Variants in MTMR4 observed in about 807,000 individuals in gnomAD.
MTMR4 encodes the protein myotubularin related protein 4.
MTMR4 carries 30 observed loss-of-function variants against 125.5 expected under a neutral mutation model. The observed-to-expected ratio is 0.24, with a 90% confidence interval of 0.18 to 0.32. The LOEUF (loss-of-function observed/expected upper bound fraction) is 0.32, where lower values mean the gene tolerates loss of function less well. Among genes scored for constraint, MTMR4 ranks in the 10% least tolerant of loss-of-function variants. The pLI, the probability that MTMR4 is intolerant of heterozygous loss-of-function variation, is 1.00. For missense variants in MTMR4, 1,039 were observed against 1,511.5 expected (o/e 0.69, Z 5.18); for synonymous variants, 498 against 564.5 (o/e 0.88, Z 1.67).
Position 58,492,666 on chromosome 17 carries a change from A to G in MTMR4, c.3364-67T>C. 2.0e-6 allele frequency: 3 copies of G among 1,490,116 alleles called. No individual in the cohort carries two copies. The Admixed American group carries it at 5.1e-5, about 26-fold the overall frequency. The allele number at this position is 1,490,116 out of a possible 1,614,324, so 92.3% of individuals were successfully genotyped here. A position where few individuals can be genotyped will look rare whatever the true frequency, so the allele number is the denominator to read the frequency against. ...AGACTGGAAGAGCAACATTGCAATG[A>G]GGAAAGCACCCCAGCAGAAAGAGAC... On this transcript the variant is annotated intron_variant, in intron 16 of 17. Transcript: ENST00000682306.
intron 16 of MTMR4, 25 bp downstream of exon 16, chr17:58,492,817 C>A: frequency 6.3e-7 from 1 of 1,586,870 alleles, no homozygotes; most frequent in South Asian, 1.1e-5. Context: ...ACGTAAGTAC[C>A]CACCACATAT....
chr17:58,506,715 G>T, intron 9 of MTMR4, 28 bp downstream of exon 9: 1 of 1,609,342 alleles, frequency 6.2e-7, no homozygotes, highest in South Asian at 1.1e-5. Flanking sequence ...GCACAGGCTG[G>T]CTGCAGACAC....
chr17:58,518,742 C>T (rs1462803846), upstream of MTMR4, among the ~76,000 whole-genome samples: 1 of 152,202 alleles, frequency 6.6e-6, no homozygotes. Flanking sequence ...CCAGAACAGA[C>T]CACAAGACGG....
chr17:58,492,522 T>C lies in MTMR4; in HGVS notation c.3441A>G (p.Arg1147=), dbSNP rs765715770. The change falls in exon 17 of 18, where the codon AGA becomes AGG. Residue 1147 remains arginine, a synonymous_variant. Coordinates refer to ENST00000682306, the MANE Select transcript of MTMR4 (RefSeq NM_001378067.1). ...ACAAAACATCTTACCTGCAATGGTG[T>C]CTTCGTTTGGCCAACCAGAATTCAC... ...CDCEFWLAKR[R]HHCRNCGNVF... 6.2e-7 allele frequency: 1 copy of C among 1,614,022 alleles called. No individual in the cohort carries two copies. Among genetic ancestry groups the C allele is most frequent in the Non-Finnish European group, 8.5e-7 (1 of 1,179,962 alleles).
rs1314915377 is a variant in MTMR4 at position 58,512,362 on chromosome 17, G to C, written c.252+28C>G. On this transcript the variant is annotated intron_variant, in intron 3 of 17. Coordinates refer to ENST00000682306, the MANE Select transcript of MTMR4 (RefSeq NM_001378067.1). This position sits in a 1 kb window ranked among gnomAD's most constrained non-coding sequence, Gnocchi z 4.1. ...TGAACTTCATAGGGATTCTAGCTTA[G>C]GGGTAGGAGAACAATACAGAAACTC... 1 of 1,527,734 alleles carries C rather than the reference G, an allele frequency of 6.5e-7. No homozygotes were observed. Among genetic ancestry groups the C allele is most frequent in the African/African-American group, 1.4e-5 (1 of 73,302 alleles). The allele number at this position is 1,527,734 out of a possible 1,614,324, so 94.6% of individuals were successfully genotyped here.
Position 58,504,614 on chromosome 17 carries a change from G to A in MTMR4, c.1342-126C>T. ...AAAAATAGGACTGGACCTAGAAGAG[G>A]ACTCAAAGCCACCAATTTTCCAAGC... On this transcript the variant is annotated intron_variant, in intron 11 of 17. Transcript: ENST00000682306. This position sits in a 1 kb window ranked among gnomAD's most constrained non-coding sequence, Gnocchi z 7.1. The A allele has an allele frequency of 7.4e-7, 1 of 1,351,034 alleles. No individual in the cohort carries two copies. The highest frequency in any genetic ancestry group is 1.5e-5 in the South Asian group (1 of 68,646). 83.7% of individuals were successfully genotyped at this position (1,351,034 alleles called of 1,614,324 possible).
chr17:58,491,532 A>G lies in MTMR4; in HGVS notation c.*131T>C. The G allele has an allele frequency of 2.1e-6, 2 of 932,240 alleles. No individual in the cohort carries two copies. The highest frequency in any genetic ancestry group is 1.7e-5 in the African/African-American group (1 of 59,722). 57.7% of individuals were successfully genotyped at this position (932,240 alleles called of 1,614,324 possible). Reference sequence around the variant, plus strand: ...CCTCTGCTCCAGTTTCATGATACCAAGGAGGATTTCTCAAGATGGTATCTC... The same window carrying G: ...CCTCTGCTCCAGTTTCATGATACCAGGGAGGATTTCTCAAGATGGTATCTC... On this transcript the variant is annotated 3_prime_UTR_variant, in exon 18 of 18. Transcript: ENST00000682306.
rs201484679 is a variant in MTMR4, at chr17:58,495,914, C to G, written c.2270G>C (p.Arg757Thr). ...TGGCTCCCCTATGCCATCTAAAGTCCTACCCAGCTCATCCTGGGCAGAAGG... is the reference window on the plus strand; with the variant it reads ...TGGCTCCCCTATGCCATCTAAAGTCGTACCCAGCTCATCCTGGGCAGAAGG... ...PDPSAQDELG[R>T]TLDGIGEPPE... The change falls in exon 15 of 18, where the codon AGG (arginine) becomes ACG (threonine). Residue 757 changes from arginine (R) to threonine (T), a missense_variant. Physicochemically the swap from Arg to Thr is moderately conservative, Grantham distance 71. Around this residue, in one of 6 missense-constraint regions of MTMR4, gnomAD observed 619 missense variants for 714.5 expected, o/e 0.87. Transcript: ENST00000682306. 179 of 1,614,168 alleles carry G rather than the reference C, an allele frequency of 1.1e-4. No homozygotes were observed. Among genetic ancestry groups the G allele is most frequent in the Middle Eastern group, 4.9e-4 (3 of 6,062 alleles).
chr17:58,491,432 C>A lies in MTMR4; in HGVS notation c.*231G>T. On this transcript the variant is annotated 3_prime_UTR_variant, in exon 18 of 18. Coordinates refer to ENST00000682306, the MANE Select transcript of MTMR4 (RefSeq NM_001378067.1). Reference sequence around the variant, plus strand: ...ACCAACTCAACATTAAGCTTCCAGACCCTGGGTCTGGGTTAGGACCATTAC... The same window carrying A: ...ACCAACTCAACATTAAGCTTCCAGAACCTGGGTCTGGGTTAGGACCATTAC... 2 of 335,174 alleles carry A rather than the reference C, an allele frequency of 6.0e-6. No individual in the cohort carries two copies. The highest frequency in any genetic ancestry group is 1.1e-5 in the Non-Finnish European group (2 of 181,580). The allele number at this position is 335,174 out of a possible 1,614,324, so 20.8% of individuals were successfully genotyped here.
At chr17:58,494,320 CAAAAAAA>C (rs59888430) in intron 15 of MTMR4, among the ~76,000 whole-genome samples, 1 of 88,968 alleles carries the variant, frequency 1.1e-5, no homozygotes, top group Non-Finnish European at 2.2e-5. Context: ...GACTCCGTCT[CAAAAAAA>C]AAAAAAAAAA....
chr17:58,497,097 C>A (rs1308778261), intron 14 of MTMR4, among the ~76,000 whole-genome samples: 1 of 152,148 alleles, frequency 6.6e-6, no homozygotes, highest in East Asian at 1.9e-4. Flanking sequence ...GAGTGACCAT[C>A]CTGATTATTA....
chr17:58,494,517 C>G (rs1363807231), intron 15 of MTMR4, among the ~76,000 whole-genome samples: 1 of 152,132 alleles, frequency 6.6e-6, no homozygotes, highest in East Asian at 1.9e-4. Flanking sequence ...TTGACTGTCT[C>G]TCATAGCCCC....
chr17:58,508,871 G>A lies in MTMR4; in HGVS notation c.336-30C>T. 1 of 1,604,148 alleles carries A rather than the reference G, an allele frequency of 6.2e-7. No homozygotes were observed. The highest frequency in any genetic ancestry group is 1.3e-5 in the African/African-American group (1 of 74,866). The stretch of plus-strand genomic sequence containing the variant: ...CAGGCAAGAAGCCACAGGCCTAGGT[G>A]AGGCAAAGTGCAGTTGTGCCATGGG... On this transcript the variant is annotated intron_variant, in intron 4 of 17. Coordinates refer to ENST00000682306, the MANE Select transcript of MTMR4 (RefSeq NM_001378067.1). This position sits in a 1 kb window ranked among gnomAD's most constrained non-coding sequence, Gnocchi z 4.8.
chr17:58,504,430 C>T lies in MTMR4; in HGVS notation c.1400G>A (p.Arg467His), dbSNP rs774759378. ...WLDFGHKFGD[R>H]CGHQENVEDQ... ...CTCCACATTCTCTTGGTGGCCACAGCGATCTCCAAACTTGTGCCCAAAATC... is the reference window on the plus strand; with the variant it reads ...CTCCACATTCTCTTGGTGGCCACAGTGATCTCCAAACTTGTGCCCAAAATC... The change falls in exon 12 of 18, where the codon CGC (arginine) becomes CAC (histidine). Residue 467 changes from arginine to histidine, a missense_variant. Coordinates refer to ENST00000682306, the MANE Select transcript of MTMR4 (RefSeq NM_001378067.1). This position sits in a 1 kb window ranked among gnomAD's most constrained non-coding sequence, Gnocchi z 7.1. The T allele has an allele frequency of 6.2e-7, 1 of 1,614,056 alleles. No individual in the cohort carries two copies. Among genetic ancestry groups the T allele is most frequent in the Non-Finnish European group, 8.5e-7 (1 of 1,180,012 alleles).
At chr17:58,505,242 C>G (rs946808160) in intron 10 of MTMR4, among the ~76,000 whole-genome samples, 6 of 152,214 alleles carry the variant, frequency 3.9e-5, no homozygotes, top group Admixed American at 6.5e-5. Flanking sequence ...TCTCTGTGTT[C>G]TTTGAGTAGA....
intron 9 of MTMR4, 64 bp downstream of exon 9, chr17:58,506,679 C>T: frequency 1.3e-6 from 2 of 1,586,114 alleles, no homozygotes; most frequent in African/African-American, 1.3e-5. Context: ...TGGCCCCCAA[C>T]CCCCTCCTCA....
At position 58,496,063 on chromosome 17, in the gene MTMR4, C is replaced by A; in HGVS notation, c.2121G>T (p.Lys707Asn). ...QKDYLSNKPF[K>N]SHKSCSPSYK... is the part of the protein sequence containing the mutation. Reference sequence around the variant, plus strand: ...AACTTGGAGAACAGCTTTTGTGACTCTTGAAAGGTTTATTGCTCAAGTAGT... The same window carrying A: ...AACTTGGAGAACAGCTTTTGTGACTATTGAAAGGTTTATTGCTCAAGTAGT... The change falls in exon 15 of 18, where the codon AAG becomes AAT. Residue 707 changes from lysine to asparagine, a missense_variant. Physicochemically the swap from Lys to Asn is moderately conservative, Grantham distance 94 (BLOSUM62 0). Coordinates refer to ENST00000682306, the MANE Select transcript of MTMR4 (RefSeq NM_001378067.1). The A allele has an allele frequency of 6.2e-7, 1 of 1,614,168 alleles. No homozygotes were observed. The highest frequency in any genetic ancestry group is 1.1e-5 in the South Asian group (1 of 91,082).
upstream of MTMR4, chr17:58,516,669 A>G: frequency 1.3e-6 from 2 of 1,519,502 alleles, no homozygotes; most frequent in South Asian, 1.1e-5. Flanking sequence ...TAACATTACC[A>G]TAGAATCAAC....
chr17:58,501,761 T>C (rs1975640532), intron 14 of MTMR4, among the ~76,000 whole-genome samples: 1 of 151,870 alleles, frequency 6.6e-6, no homozygotes, highest in African/African-American at 2.4e-5. Flanking sequence ...AAAATATGCA[T>C]ACAAAGTAAC....
Sources: allele counts gnomAD v4.1 joint callset (sites outside exome capture counted in the v4.1 genomes callset), GRCh38; gene constraint gnomAD v4.1.1; regional missense constraint gnomAD v4.1.1; non-coding constraint Gnocchi (gnomAD v3.1); transcripts MANE v1.5; gene names NCBI Gene and HGNC (gene_info 2026-07-23, HGNC 2026-07-21).